Variants in NXPH1 observed in about 807,000 individuals in gnomAD.
The protein encoded by NXPH1 is neurexophilin-1.
A neutral mutation model predicts 23.7 loss-of-function variants in NXPH1; 5 were observed. The ratio of observed to expected loss-of-function variants is 0.21; its 90% confidence interval spans 0.11 to 0.44. The LOEUF (loss-of-function observed/expected upper bound fraction) is 0.44. Ranked by LOEUF, NXPH1 falls within the 20% of genes least tolerant of loss-of-function variation. The probability of loss-of-function intolerance (pLI) is 0.99; values close to 1 mark genes in which losing one functional copy is unlikely to be tolerated. For synonymous variants in NXPH1, 144 were observed against 122.2 expected, an observed-to-expected ratio of 1.18 and a Z score of -1.18; for missense variants, 324 against 321.6, an observed-to-expected ratio of 1.01 and a Z score of -0.06.
chr7:8,693,213 C>T (rs1821250566), intron 2 of NXPH1, among the ~76,000 whole-genome samples: 1 of 152,186 alleles, frequency 6.6e-6, no homozygotes, highest in Admixed American at 6.5e-5. Context: ...AAACCTCAGT[C>T]TGTGAACAAA....
chr7:8,537,363 T>A (rs918918935), intron 2 of NXPH1, among the ~76,000 whole-genome samples: 3 of 151,882 alleles, frequency 2.0e-5, no homozygotes, highest in African/African-American at 7.3e-5. Context: ...AGGAAAGAGG[T>A]TTAATTGACA....
At chr7:8,670,101 C>T (rs975773744) in intron 2 of NXPH1, among the ~76,000 whole-genome samples, 1 of 152,154 alleles carries the variant, frequency 6.6e-6, no homozygotes, top group Admixed American at 6.5e-5. Flanking sequence ...ATGACGTAAA[C>T]CAATGTCATT....
intron 2 of NXPH1, among the ~76,000 whole-genome samples, chr7:8,456,534 G>A (rs1816597408): frequency 6.6e-6 from 1 of 152,120 alleles, no homozygotes; most frequent in African/African-American, 2.4e-5. Flanking sequence ...AGGTCTTATT[G>A]GAATGACATC....
At chr7:8,470,403 A>G (rs1449699750) in intron 2 of NXPH1, among the ~76,000 whole-genome samples, 3 of 152,134 alleles carry the variant, frequency 2.0e-5, no homozygotes, top group Non-Finnish European at 4.4e-5. Flanking sequence ...TTTTGAAATA[A>G]TTTTCCTACA....
intron 2 of NXPH1, among the ~76,000 whole-genome samples, chr7:8,520,108 C>T (rs867401287): frequency 9.2e-5 from 14 of 151,994 alleles, no homozygotes; most frequent in African/African-American, 3.4e-4. Context: ...ATGAGAAATA[C>T]GGATTGAAAA....
At chr7:8,481,559 G>T (rs771921329) in intron 2 of NXPH1, among the ~76,000 whole-genome samples, 4 of 152,194 alleles carry the variant, frequency 2.6e-5, no homozygotes, top group Non-Finnish European at 5.9e-5. Flanking sequence ...ACATCTACCA[G>T]ATTGAAGTTA....
At chr7:8,483,864 C>T (rs1346348271) in intron 2 of NXPH1, among the ~76,000 whole-genome samples, 2 of 151,928 alleles carry the variant, frequency 1.3e-5, no homozygotes, top group Non-Finnish European at 2.9e-5. Context: ...TTTCTCATTG[C>T]CTTTATTAAC....
intron 2 of NXPH1, among the ~76,000 whole-genome samples, chr7:8,669,713 G>A (rs1294715185): frequency 6.6e-6 from 1 of 152,128 alleles, no homozygotes; most frequent in Non-Finnish European, 1.5e-5. Flanking sequence ...CAAGTCCACT[G>A]CTTTCTTCCC....
At chr7:8,453,767 G>A (rs1225214855) in intron 2 of NXPH1, among the ~76,000 whole-genome samples, 4 of 152,102 alleles carry the variant, frequency 2.6e-5, no homozygotes, top group Middle Eastern at 3.4e-3. Context: ...CTTTTTTATG[G>A]CTGCATAGTA....
intron 2 of NXPH1, among the ~76,000 whole-genome samples, chr7:8,470,772 T>C (rs1329286517): frequency 6.6e-6 from 1 of 152,172 alleles, no homozygotes; most frequent in Non-Finnish European, 1.5e-5. Flanking sequence ...CATAAAAACA[T>C]TGTTGCAAAG....
intron 2 of NXPH1, among the ~76,000 whole-genome samples, chr7:8,464,023 C>T (rs374690874): frequency 2.6e-5 from 4 of 152,202 alleles, no homozygotes. Context: ...TCCTCTTCCT[C>T]CTCCTCCTTT....
At chr7:8,745,462 A>G (rs1257505377) in intron 2 of NXPH1, among the ~76,000 whole-genome samples, 1 of 151,744 alleles carries the variant, frequency 6.6e-6, no homozygotes, top group Admixed American at 6.6e-5. Context: ...TGGAGTAGAG[A>G]GATGTTTGTC....
At chr7:8,494,971 T>TA (rs1357605375) in intron 2 of NXPH1, among the ~76,000 whole-genome samples, 1 of 152,056 alleles carries the variant, frequency 6.6e-6, no homozygotes, top group African/African-American at 2.4e-5. Flanking sequence ...TCCTCATCTG[T>TA]AAAATGGGGA....
At chr7:8,568,257 T>G (rs1008555802) in intron 2 of NXPH1, among the ~76,000 whole-genome samples, 1 of 151,886 alleles carries the variant, frequency 6.6e-6, no homozygotes, top group Non-Finnish European at 1.5e-5. Context: ...AAAATTTCCC[T>G]TGTATGTCTC....
At chr7:8,662,878 G>A (rs1820699545) in intron 2 of NXPH1, among the ~76,000 whole-genome samples, 1 of 152,018 alleles carries the variant, frequency 6.6e-6, no homozygotes, top group Non-Finnish European at 1.5e-5. Context: ...CTTGGAAGAT[G>A]CAACAATAAA....
At chr7:8,447,071 T>G (rs967052202) in intron 2 of NXPH1, among the ~76,000 whole-genome samples, 4 of 152,204 alleles carry the variant, frequency 2.6e-5, no homozygotes, top group African/African-American at 9.6e-5. Flanking sequence ...ATATGAGACC[T>G]GTTATATTTT....
chr7:8,619,387 C>A (rs1401233356), intron 2 of NXPH1, among the ~76,000 whole-genome samples: 1 of 152,140 alleles, frequency 6.6e-6, no homozygotes, highest in African/African-American at 2.4e-5. Context: ...AATTATGTGT[C>A]CATTGCCAAC....
intron 2 of NXPH1, among the ~76,000 whole-genome samples, chr7:8,670,109 A>G (rs945021391): frequency 6.6e-6 from 1 of 152,126 alleles, no homozygotes; most frequent in Non-Finnish European, 1.5e-5. Flanking sequence ...AACCAATGTC[A>G]TTTTCTGGGC....
chr7:8,611,341 C>G (rs1157787677), intron 2 of NXPH1, among the ~76,000 whole-genome samples: 1 of 152,146 alleles, frequency 6.6e-6, no homozygotes, highest in Non-Finnish European at 1.5e-5. Context: ...TGGGTTAAAT[C>G]ACTGTATTTT....
Sources: allele counts gnomAD v4.1 joint callset (sites outside exome capture counted in the v4.1 genomes callset), GRCh38; gene constraint gnomAD v4.1.1; transcripts MANE v1.5; gene names NCBI Gene and HGNC (gene_info 2026-07-23, HGNC 2026-07-21).